Variants in SRBD1 observed in about 807,000 individuals in gnomAD.
SRBD1 encodes S1 RNA-binding domain-containing protein 1.
A neutral mutation model predicts 115.3 loss-of-function variants in SRBD1; 88 were observed. That is an observed-to-expected ratio of 0.76 (90% CI 0.64 to 0.91). The LOEUF is 0.91. SRBD1 is among the 40% of genes least tolerant of loss of function. SRBD1 has a pLI of 0.00. For missense variants in SRBD1, 1,385 were observed against 1,177.4 expected (o/e 1.18, Z -2.58); for synonymous variants, 509 against 407.7 (o/e 1.25, Z -2.99).
At chr2:45,424,396 G>A (rs569330089) in intron 16 of SRBD1, among the ~76,000 whole-genome samples, 18 of 151,800 alleles carry the variant, frequency 1.2e-4, no homozygotes, top group Non-Finnish European at 2.2e-4. Flanking sequence ...GTGTAAAAAG[G>A]TATTTTTAAT....
At position 45,573,315 on chromosome 2, in the gene SRBD1, C is replaced by A. The variant is rs202086851; in HGVS notation, c.1197G>T (p.Gln399His). Reference sequence around the variant, plus strand: ...TTGAGGATACTTTTGCCAGAGATGACTGGATACAAACATGTCTCTTCTGGC... The same window carrying A: ...TTGAGGATACTTTTGCCAGAGATGAATGGATACAAACATGTCTCTTCTGGC... ...NLCQKRHVCI[Q>H]SSLAKVSSKK... Residue 399 changes from glutamine (Q) to histidine (H), a missense_variant, in exon 9 of 21, where the codon CAG becomes CAT. Transcript: ENST00000263736. The A allele has an allele frequency of 1.1e-5, 17 of 1,611,348 alleles. No individual in the cohort carries two copies. In the African/African-American group the frequency reaches 1.9e-4, roughly 18 times the overall value.
chr2:45,502,787 C>T (rs527301044), intron 14 of SRBD1, among the ~76,000 whole-genome samples: 13 of 151,778 alleles, frequency 8.6e-5, no homozygotes, highest in Admixed American at 3.3e-4. Context: ...ATGTAACAAA[C>T]CTGCACATTG....
chr2:45,552,142 A>C lies in SRBD1; in HGVS notation c.1518-860T>G, dbSNP rs1672320649. Among the ~76,000 whole-genome samples the C allele has an allele frequency of 2.0e-5, 3 of 152,212 alleles. No homozygotes were observed. The South Asian group carries it at 6.2e-4, about 32-fold the overall frequency. On this transcript the variant is annotated intron_variant, in intron 11 of 20. Transcript: ENST00000263736. Reference sequence around the variant, plus strand: ...GAATGATCATGACAGTCACGGGAATAAGATATGCAGACGTAGGCTATGCAT... The same window carrying C: ...GAATGATCATGACAGTCACGGGAATCAGATATGCAGACGTAGGCTATGCAT...
At chr2:45,505,312 T>C (rs1441295517) in intron 14 of SRBD1, among the ~76,000 whole-genome samples, 1 of 152,168 alleles carries the variant, frequency 6.6e-6, no homozygotes. Context: ...TGTGGTCATG[T>C]CAGAGCCACA....
intron 9 of SRBD1, 96 bp from the exon 10 acceptor site, chr2:45,562,852 G>T: frequency 1.3e-5 from 9 of 689,064 alleles, no homozygotes; most frequent in East Asian, 3.1e-5. Flanking sequence ...TTTTTTACTC[G>T]TTTATTAAAC....
chr2:45,573,433 T>C (rs553692431), intron 8 of SRBD1, 91 bp from the exon 9 acceptor site: 5 of 1,452,148 alleles, frequency 3.4e-6, no homozygotes, highest in Non-Finnish European at 4.5e-6. Flanking sequence ...CAAAAAAAGT[T>C]AAGCCATTAC....
chr2:45,498,300 T>C (rs1670523479), intron 14 of SRBD1, among the ~76,000 whole-genome samples: 1 of 152,170 alleles, frequency 6.6e-6, no homozygotes, highest in Non-Finnish European at 1.5e-5. Flanking sequence ...TGCAAGTCTT[T>C]TATCAGATAC....
chr2:45,600,100 A>G (rs1244069461), intron 3 of SRBD1, among the ~76,000 whole-genome samples: 7 of 152,210 alleles, frequency 4.6e-5, no homozygotes, highest in African/African-American at 1.7e-4. Context: ...AAAGGGCAAC[A>G]CTAGGCATCT....
At chr2:45,463,021 G>A (rs930625161) in intron 16 of SRBD1, among the ~76,000 whole-genome samples, 1 of 31,822 alleles carries the variant, frequency 3.1e-5, no homozygotes, top group Non-Finnish European at 9.6e-5. Flanking sequence ...ATAACCCGGG[G>A]GGGGGGGGGG....
chr2:45,482,066 A>G (rs981010080), intron 15 of SRBD1, among the ~76,000 whole-genome samples: 1 of 152,160 alleles, frequency 6.6e-6, no homozygotes, highest in Non-Finnish European at 1.5e-5. Flanking sequence ...TGACTATACT[A>G]GAAAACACTG....
chr2:45,543,029 C>G (rs2104018416), intron 14 of SRBD1, among the ~76,000 whole-genome samples: 1 of 152,228 alleles, frequency 6.6e-6, no homozygotes, highest in South Asian at 2.1e-4. Context: ...GAGTGCCTAC[C>G]ATATGTCAAA....
chr2:45,560,708 A>C (rs551988546), intron 10 of SRBD1, among the ~76,000 whole-genome samples: 59 of 152,192 alleles, frequency 3.9e-4, no homozygotes, highest in African/African-American at 1.4e-3. Context: ...TAAATTATCT[A>C]ATTTCCTAAT....
At chr2:45,565,686 C>T (rs535133127) in intron 9 of SRBD1, among the ~76,000 whole-genome samples, 143 of 152,282 alleles carry the variant, frequency 9.4e-4, no homozygotes, top group African/African-American at 3.1e-3. Flanking sequence ...AGAAAATGCA[C>T]GGCATGGGAC....
chr2:45,416,081 C>A (rs1048685776), intron 18 of SRBD1, among the ~76,000 whole-genome samples: 1 of 151,400 alleles, frequency 6.6e-6, no homozygotes, highest in Non-Finnish European at 1.5e-5. Context: ...TAATAAATAG[C>A]GTAAAAGGAA....
At chr2:45,563,162 C>T (rs973827487) in intron 9 of SRBD1, among the ~76,000 whole-genome samples, 1 of 152,052 alleles carries the variant, frequency 6.6e-6, no homozygotes, top group African/African-American at 2.4e-5. Context: ...CAAATTGTTA[C>T]CATCCATTGA....
rs551405264 is a variant in SRBD1, at chr2:45,524,359, T to C, written c.1874+22373A>G. Among the ~76,000 whole-genome samples the C allele has an allele frequency of 9.2e-5, 14 of 152,178 alleles. No individual in the cohort carries two copies. The East Asian group carries it at 1.4e-3, about 15-fold the overall frequency. Reference sequence around the variant, plus strand: ...ATACCCATAGTAGAAAGGAAGAAGATGATCTCTATTCACAGATAACATTAT... The same window carrying C: ...ATACCCATAGTAGAAAGGAAGAAGACGATCTCTATTCACAGATAACATTAT... On this transcript the variant is annotated intron_variant, in intron 14 of 20. Coordinates refer to ENST00000263736, the MANE Select transcript of SRBD1 (RefSeq NM_018079.5).
chr2:45,509,598 A>AACACAC (rs1179307941), intron 14 of SRBD1, among the ~76,000 whole-genome samples: 10,104 of 125,306 alleles, frequency 0.081, 436 homozygotes, highest in Non-Finnish European at 0.089. Flanking sequence ...TCCGTCTCAA[A>AACACAC]ACACACACAC....
At chr2:45,551,400 A>G (rs1334255089) in intron 11 of SRBD1, 118 bp from the exon 12 acceptor site, 27 of 1,038,158 alleles carry the variant, frequency 2.6e-5, no homozygotes, top group Non-Finnish European at 3.7e-5. Context: ...TAACAATATA[A>G]CTTAAGAGAA....
chr2:45,393,910 T>C (rs141881422), intron 19 of SRBD1, among the ~76,000 whole-genome samples: 246 of 152,354 alleles, frequency 1.6e-3, no homozygotes, highest in African/African-American at 5.5e-3. Context: ...TACTTCTGTA[T>C]ACCCTTGATG....
Sources: gnomAD v4.1 joint callset for allele counts (sites outside exome capture counted in the v4.1 genomes callset) on GRCh38, gnomAD v4.1.1 for gene constraint, MANE v1.5 for transcripts, NCBI Gene and HGNC (gene_info 2026-07-23, HGNC 2026-07-21) for gene names.